Variants in CRADD observed in about 807,000 individuals in gnomAD.
The protein encoded by CRADD is death domain-containing protein CRADD.
A neutral mutation model predicts 15.5 loss-of-function variants in CRADD; 9 were observed. The ratio of observed to expected loss-of-function variants is 0.58; its 90% confidence interval spans 0.35 to 1.01. CRADD has a LOEUF of 1.01. Ranked by LOEUF, CRADD falls within the 50% of genes least tolerant of loss-of-function variation. CRADD has a pLI of 0.02. For missense variants in CRADD, 227 were observed against 250.3 expected (o/e 0.91, Z 0.63); for synonymous variants, 118 against 107.6 (o/e 1.10, Z -0.60).
At chr12:93,806,798 T>C (rs1302671772) in intron 2 of CRADD, among the ~76,000 whole-genome samples, 1 of 152,180 alleles carries the variant, frequency 6.6e-6, no homozygotes, top group Non-Finnish European at 1.5e-5. Context: ...TTTAATGACC[T>C]TATTGAATAA....
At chr12:93,774,001 T>C (rs1957115304) in intron 2 of CRADD, among the ~76,000 whole-genome samples, 2 of 35,710 alleles carry the variant, frequency 5.6e-5, no homozygotes, top group African/African-American at 2.0e-4. Flanking sequence ...ACCTGGCTAA[T>C]TTTTTTTTTT....
chr12:93,719,461 G>A (rs1287433503), intron 2 of CRADD, among the ~76,000 whole-genome samples: 1 of 152,142 alleles, frequency 6.6e-6, no homozygotes, highest in Non-Finnish European at 1.5e-5. Context: ...TGACTTCATA[G>A]AATGAGTTAG....
intron 2 of CRADD, among the ~76,000 whole-genome samples, chr12:93,794,859 A>G (rs1957395695): frequency 6.6e-6 from 1 of 152,170 alleles, no homozygotes; most frequent in Admixed American, 6.5e-5. Flanking sequence ...TGTTCTTCAA[A>G]TATACCAAGT....
At chr12:93,867,127 A>G (rs916024893) in intron 2 of CRADD, among the ~76,000 whole-genome samples, 1 of 151,862 alleles carries the variant, frequency 6.6e-6, no homozygotes, top group Non-Finnish European at 1.5e-5. Context: ...GCTACTTCTA[A>G]TTCTTGAGGC....
In CRADD at chr12:93,787,410, A is replaced by G. The variant is rs183179993; in HGVS notation, c.299-62560A>G. Among the ~76,000 whole-genome samples the G allele has an allele frequency of 2.7e-5, 4 of 150,600 alleles. No individual in the cohort carries two copies. In the East Asian group the frequency reaches 7.8e-4, roughly 29 times the overall value. ...ACATTTTTTGCCCCAAACCAGTATC[A>G]CTGGAATATATTTGTAGCTCCCTAA... On this transcript the variant is annotated intron_variant, in intron 2 of 2. Transcript: ENST00000332896.
At chr12:93,856,132 C>T (rs115500424) in intron 2 of CRADD, among the ~76,000 whole-genome samples, 305 of 152,278 alleles carry the variant, frequency 2.0e-3, no homozygotes, top group African/African-American at 6.4e-3. Flanking sequence ...CTTCACCCTC[C>T]CAGGGCTCTG....
intron 2 of CRADD, among the ~76,000 whole-genome samples, chr12:93,842,110 G>A (rs1260851482): frequency 2.4e-5 from 3 of 126,738 alleles, no homozygotes; most frequent in African/African-American, 8.5e-5. Flanking sequence ...CTATTTGTGT[G>A]TCTGCTGCAC....
At chr12:93,687,981 C>T (rs1036248272) in intron 2 of CRADD, among the ~76,000 whole-genome samples, 5 of 152,190 alleles carry the variant, frequency 3.3e-5, no homozygotes, top group Non-Finnish European at 7.3e-5. Flanking sequence ...ACAGTCATTA[C>T]AAACTACATG....
chr12:93,869,246 C>A (rs1958397574), intron 2 of CRADD, among the ~76,000 whole-genome samples: 2 of 152,020 alleles, frequency 1.3e-5, no homozygotes, highest in African/African-American at 4.8e-5. Context: ...TAGAAACAAG[C>A]CTACACAGGA....
chr12:93,775,340 CTAAG>C (rs1428849034), intron 2 of CRADD, among the ~76,000 whole-genome samples: 1 of 152,118 alleles, frequency 6.6e-6, no homozygotes, highest in Non-Finnish European at 1.5e-5. Flanking sequence ...TAACAGTAAA[CTAAG>C]TACCAGTATG....
intron 2 of CRADD, among the ~76,000 whole-genome samples, chr12:93,879,755 G>A (rs78565862): frequency 0.016 from 2,416 of 152,142 alleles, 74 homozygotes; most frequent in African/African-American, 0.055. Flanking sequence ...AGGGTCTCCC[G>A]CGACTGATCC....
intron 2 of CRADD, among the ~76,000 whole-genome samples, chr12:93,786,263 T>C (rs550481463): frequency 5.2e-4 from 79 of 152,338 alleles, no homozygotes; most frequent in African/African-American, 1.4e-3. Flanking sequence ...AGGACAGACC[T>C]GGATTCTAAC....
chr12:93,687,873 T>C (rs1955474322), intron 2 of CRADD, among the ~76,000 whole-genome samples: 2 of 152,340 alleles, frequency 1.3e-5, no homozygotes, highest in South Asian at 4.1e-4. Context: ...TCTATGGGGA[T>C]ATATAGGCTA....
intron 2 of CRADD, among the ~76,000 whole-genome samples, chr12:93,789,278 G>A (rs374729006): frequency 4.5e-4 from 69 of 152,178 alleles, no homozygotes; most frequent in Non-Finnish European, 8.2e-4. Flanking sequence ...CGGATTGCCT[G>A]GGAAGCTGGA....
intron 2 of CRADD, among the ~76,000 whole-genome samples, chr12:93,773,982 C>T (rs1442180823): frequency 6.7e-6 from 1 of 148,212 alleles, no homozygotes; most frequent in African/African-American, 2.5e-5. Flanking sequence ...TACAGGTGTG[C>T]ACCACTCCAC....
At chr12:93,819,086 TC>T (rs1310629208) in intron 2 of CRADD, among the ~76,000 whole-genome samples, 1 of 152,236 alleles carries the variant, frequency 6.6e-6, no homozygotes, top group African/African-American at 2.4e-5. Flanking sequence ...AAAAGTATAT[TC>T]CCAGCTGACT....
intron 2 of CRADD, among the ~76,000 whole-genome samples, chr12:93,782,479 A>G (rs2136973860): frequency 6.6e-6 from 1 of 152,066 alleles, no homozygotes; most frequent in African/African-American, 2.4e-5. Flanking sequence ...GTACCTTAAA[A>G]CTTAAAGTAT....
intron 2 of CRADD, among the ~76,000 whole-genome samples, chr12:93,836,889 A>G (rs1957978267): frequency 6.6e-6 from 1 of 152,296 alleles, no homozygotes; most frequent in African/African-American, 2.4e-5. Context: ...GGTTGGGGGC[A>G]GGCAGCGACA....
chr12:93,817,790 C>T (rs1026322121), intron 2 of CRADD, among the ~76,000 whole-genome samples: 1 of 152,170 alleles, frequency 6.6e-6, no homozygotes, highest in Admixed American at 6.5e-5. Context: ...ATGCATGACA[C>T]TCTCCTCGCA....
Sources: allele counts gnomAD v4.1 joint callset (sites outside exome capture counted in the v4.1 genomes callset), GRCh38; gene constraint gnomAD v4.1.1; transcripts MANE v1.5; gene names NCBI Gene and HGNC (gene_info 2026-07-23, HGNC 2026-07-21).